Variants in ALKAL2 observed in about 807,000 individuals in gnomAD.
ALKAL2 encodes the protein AUG-alpha.
Under a neutral mutation model 18.5 loss-of-function variants are expected in ALKAL2, and 8 were observed. That is an observed-to-expected ratio of 0.43 (90% confidence interval 0.25 to 0.78). The LOEUF is 0.78. Ranked by LOEUF, ALKAL2 falls within the 30% of genes least tolerant of loss-of-function variation. ALKAL2 has a pLI of 0.22. For missense variants in ALKAL2, 241 were observed against 211.2 expected, an observed-to-expected ratio of 1.14 and a Z score of -0.88; for synonymous variants, 135 against 95.8, an observed-to-expected ratio of 1.41 and a Z score of -2.39.
At chr2:284,789 C>T (rs1011921233) in intron 4 of ALKAL2, among the ~76,000 whole-genome samples, 6 of 151,982 alleles carry the variant, frequency 3.9e-5, no homozygotes. Flanking sequence ...AGGTCACTTC[C>T]AAATTTGGAA....
chr2:287,486 A>G, intron 2 of ALKAL2, 97 bp downstream of exon 2: 1 of 622,888 alleles, frequency 1.6e-6, no homozygotes, highest in Non-Finnish European at 2.3e-6. Flanking sequence ...CCTGCTGTTC[A>G]GTGGTCAAAA....
Position 287,537 on chromosome 2 carries a change from T to C in ALKAL2, c.253+46A>G, listed in dbSNP as rs550278742. 2.9e-5 allele frequency: 38 copies of C among 1,305,596 alleles called. No homozygotes were observed. In the African/African-American group the frequency reaches 5.9e-4, roughly 20 times the overall value. 80.9% of individuals were successfully genotyped at this position (1,305,596 alleles called of 1,614,324 possible). ...GAAACGTGTTTCTCAAAGACAATTCTATTTCCCAGCAGCCCCGGCCCTCGG... is the reference window on the plus strand; with the variant it reads ...GAAACGTGTTTCTCAAAGACAATTCCATTTCCCAGCAGCCCCGGCCCTCGG... On this transcript the variant is annotated intron_variant, in intron 2 of 5. Transcript: ENST00000403610.
In ALKAL2 at chr2:283,592, A is replaced by G. The variant is rs534864257; in HGVS notation, c.389-417T>C. On this transcript the variant is annotated intron_variant, in intron 4 of 5. Transcript: ENST00000403610. ...ATGGGACAAAGCCTTCTGCCTGTAA[A>G]TTCTAAAGAAAGTGGGTCAAAAGTC... The G allele has an allele frequency of 3.7e-5, 36 of 985,392 alleles. No individual in the cohort carries two copies. The African/African-American group carries it at 5.9e-4, about 16-fold the overall frequency. The allele number at this position is 985,392 out of a possible 1,614,324, so 61.0% of individuals were successfully genotyped here.
At chr2:285,899 C>G (rs1670491938) in intron 4 of ALKAL2, 1 of 513,516 alleles carries the variant, frequency 1.9e-6, no homozygotes, top group Non-Finnish European at 3.4e-6. Flanking sequence ...TCCCAAGAGC[C>G]TATTATTCCA....
At position 280,056 on chromosome 2, in the gene ALKAL2, T is replaced by C. The variant is rs1420444213; in HGVS notation, c.*91A>G. 4 of 1,402,710 alleles carry C rather than the reference T, an allele frequency of 2.9e-6. No individual in the cohort carries two copies. Among genetic ancestry groups the C allele is most frequent in the African/African-American group, 1.4e-5 (1 of 70,796 alleles). The allele number at this position is 1,402,710 out of a possible 1,614,324, so 86.9% of individuals were successfully genotyped here. On this transcript the variant is annotated 3_prime_UTR_variant, in exon 6 of 6. Transcript: ENST00000403610. ...TCTGCAAAAATAAATCTCTTGTCCA[T>C]GAGGGGATGTGTATAAAGATAGTTC... is the stretch of plus-strand genomic sequence containing the variant.
Position 286,122 on chromosome 2 carries a change from C to T in ALKAL2, c.388+1G>A. 1 of 1,612,030 alleles carries T rather than the reference C, an allele frequency of 6.2e-7. No individual in the cohort carries two copies. Among genetic ancestry groups the T allele is most frequent in the Non-Finnish European group, 8.5e-7 (1 of 1,178,442 alleles). On this transcript the variant is annotated splice_donor_variant, in intron 4 of 5. Coordinates refer to ENST00000403610, the MANE Select transcript of ALKAL2 (RefSeq NM_001002919.3). LOFTEE classifies it high-confidence loss of function. ...TATAAAAATCCAATGCTGTTACTTA[C>T]ATGCAGGAATGGTGCAGTCTCTGGT...
chr2:286,455 G>C, intron 2 of ALKAL2, 112 bp from the exon 3 acceptor site: 1 of 756,900 alleles, frequency 1.3e-6, no homozygotes, highest in African/African-American at 1.8e-5. Flanking sequence ...AAGTTGCTTT[G>C]CACAAAATAA....
intron 2 of ALKAL2, 60 bp downstream of exon 2, chr2:287,523 C>A (rs1400462590): frequency 1.7e-6 from 2 of 1,190,804 alleles, no homozygotes; most frequent in Non-Finnish European, 2.2e-6. Context: ...AAACGTGTTT[C>A]TCAAAGACAA....
chr2:282,925 G>A (rs1226597316), intron 5 of ALKAL2, among the ~76,000 whole-genome samples, 186 bp downstream of exon 5: 3 of 152,204 alleles, frequency 2.0e-5, no homozygotes, highest in African/African-American at 4.8e-5. Flanking sequence ...AACAGCTGCC[G>A]GGGCCCTGTA....
At chr2:281,594 G>A (rs1670351499) in intron 5 of ALKAL2, among the ~76,000 whole-genome samples, 1 of 152,196 alleles carries the variant, frequency 6.6e-6, no homozygotes, top group Non-Finnish European at 1.5e-5. Context: ...ACGTCCTTCA[G>A]TGTAACTGCA....
In ALKAL2 at chr2:283,246, T is replaced by C. The variant is rs920129158; in HGVS notation, c.389-71A>G. 1.9e-6 allele frequency: 3 copies of C among 1,549,458 alleles called. No individual in the cohort carries two copies. The African/African-American group carries it at 4.1e-5, about 21-fold the overall frequency. ...AATAAATCGCATTTTTTTGCAAGTA[T>C]ATCAGCTACTAAAGCCATTTATTTC... On this transcript the variant is annotated intron_variant, in intron 4 of 5. Transcript: ENST00000403610.
chr2:280,195 C>G (rs1205786617), intron 5 of ALKAL2, 43 bp from the exon 6 acceptor site: 2 of 1,612,890 alleles, frequency 1.2e-6, no homozygotes, highest in South Asian at 1.1e-5. Context: ...ATCCACACTT[C>G]TTAATGTCAA....
In ALKAL2 at chr2:286,120, T is replaced by C; in HGVS notation, c.388+3A>G. ...TTTATAAAAATCCAATGCTGTTACT[T>C]ACATGCAGGAATGGTGCAGTCTCTG... On this transcript the variant is annotated splice_donor_region_variant and intron_variant, in intron 4 of 5. Transcript: ENST00000403610. 6.2e-7 allele frequency: 1 copy of C among 1,612,132 alleles called. No homozygotes were observed. The highest frequency in any genetic ancestry group is 8.5e-7 in the Non-Finnish European group (1 of 1,178,448).
At chr2:287,930 CAGCGGGGGAGGGGGACGGAGCGCGG>C (rs1401209304) in intron 1 of ALKAL2, 38 bp from the exon 2 acceptor site, 1 of 1,214,806 alleles carries the variant, frequency 8.2e-7, no homozygotes, top group African/African-American at 1.6e-5. Context: ...GAGAGAAAGT[CAGCGGGGGAGGGGGACGGAGCGCGG>C]GGCGGGGGAG....
rs189820376 is a variant in ALKAL2 at position 283,540 on chromosome 2, C to T, written c.389-365G>A. ...CCTTGTGCTACTTTCAGGTCATGTG[C>T]AGGCTGAATCCCAACTTGAGTTGAC... On this transcript the variant is annotated intron_variant, in intron 4 of 5. Coordinates refer to ENST00000403610, the MANE Select transcript of ALKAL2 (RefSeq NM_001002919.3). The T allele has an allele frequency of 6.7e-5, 66 of 985,412 alleles. 1 individual carries two copies. In the Admixed American group the frequency reaches 3.9e-3, roughly 59 times the overall value. 61.0% of individuals were successfully genotyped at this position (985,412 alleles called of 1,614,324 possible). A position where few individuals can be genotyped will look rare whatever the true frequency, so the allele number is the denominator to read the frequency against.
chr2:280,134 C>G lies in ALKAL2; in HGVS notation c.*13G>C. ...TCTCATGGCTCCTGGTGTGCTGCTC[C>G]TGTACGGTCTGCTCACTGCTGAAAA... On this transcript the variant is annotated 3_prime_UTR_variant, in exon 6 of 6. Coordinates refer to ENST00000403610, the MANE Select transcript of ALKAL2 (RefSeq NM_001002919.3). The G allele has an allele frequency of 1.2e-6, 2 of 1,613,966 alleles. No homozygotes were observed. Among genetic ancestry groups the G allele is most frequent in the Non-Finnish European group, 1.7e-6 (2 of 1,179,858 alleles).
chr2:279,999 T>TA lies in ALKAL2; in HGVS notation c.*147dup. ...ATATATCTGCAAACTGTCAACAACA[T>TA]ACAAAACTCAAAGGACTTATGGAAG... is the stretch of plus-strand genomic sequence containing the variant. On this transcript the variant is annotated 3_prime_UTR_variant, in exon 6 of 6. Transcript: ENST00000403610. 1.2e-6 allele frequency: 1 copy of TA among 845,204 alleles called. No individual in the cohort carries two copies. Among genetic ancestry groups the TA allele is most frequent in the East Asian group, 2.4e-5 (1 of 40,948 alleles). 52.4% of individuals were successfully genotyped at this position (845,204 alleles called of 1,614,324 possible). A position where few individuals can be genotyped will look rare whatever the true frequency, so the allele number is the denominator to read the frequency against.
chr2:286,009 AG>A (rs1670496353), intron 4 of ALKAL2, 113 bp downstream of exon 4: 1 of 862,484 alleles, frequency 1.2e-6, no homozygotes, highest in South Asian at 1.7e-5. Flanking sequence ...ATAGTGAGGA[AG>A]GAATAGGCAA....
At chr2:281,644 C>A (rs567228455) in intron 5 of ALKAL2, among the ~76,000 whole-genome samples, 1 of 152,202 alleles carries the variant, frequency 6.6e-6, no homozygotes, top group East Asian at 1.9e-4. Context: ...AGGCAGGGGT[C>A]GGCTAATGGG....
Sources: gnomAD v4.1 joint callset for allele counts (sites outside exome capture counted in the v4.1 genomes callset) on GRCh38, gnomAD v4.1.1 for gene constraint, MANE v1.5 for transcripts, NCBI Gene and HGNC (gene_info 2026-07-23, HGNC 2026-07-21) for gene names.